Variants in C8orf34 observed in about 807,000 individuals in gnomAD.
The protein encoded by C8orf34 is uncharacterized protein C8orf34.
In C8orf34, 65 loss-of-function variants were observed where a neutral mutation model predicts 68.3. The observed-to-expected ratio is 0.95, with a 90% confidence interval of 0.78 to 1.17. The LOEUF (loss-of-function observed/expected upper bound fraction) is 1.17, where lower values mean the gene tolerates loss of function less well. Ranked by LOEUF, C8orf34 falls within the 50% of genes most tolerant of loss-of-function variation. The pLI is 0.00. For synonymous variants in C8orf34, 244 were observed against 241.2 expected (o/e 1.01, Z -0.11); for missense variants, 664 against 655.4 (o/e 1.01, Z -0.14).
chr8:68,432,728 G>C (rs1245111023), intron 1 of C8orf34, among the ~76,000 whole-genome samples: 8 of 152,182 alleles, frequency 5.3e-5, no homozygotes, highest in Admixed American at 5.2e-4. Context: ...GACAGTCTGA[G>C]ATCTCTGAAT....
chr8:68,419,277 G>C (rs1251006309), intron 1 of C8orf34, among the ~76,000 whole-genome samples: 1 of 148,078 alleles, frequency 6.8e-6, no homozygotes, highest in South Asian at 2.2e-4. Context: ...ACCACAATGA[G>C]ATACCATCTC....
At chr8:68,721,273 T>G (rs923936984) in intron 9 of C8orf34, 88 bp from the exon 10 acceptor site, 1 of 827,418 alleles carries the variant, frequency 1.2e-6, no homozygotes, top group African/African-American at 1.8e-5. Context: ...ATTCCATCAT[T>G]TTATTCTTCT....
At chr8:68,472,810 A>T (rs1812437883) in intron 4 of C8orf34, among the ~76,000 whole-genome samples, 1 of 152,090 alleles carries the variant, frequency 6.6e-6, no homozygotes, top group South Asian at 2.1e-4. Context: ...AATTTTCGAG[A>T]TATTTTATAT....
At chr8:68,475,651 T>C (rs1393764734) in intron 4 of C8orf34, among the ~76,000 whole-genome samples, 1 of 152,180 alleles carries the variant, frequency 6.6e-6, no homozygotes, top group Non-Finnish European at 1.5e-5. Flanking sequence ...AATAGATAGC[T>C]AAGTAAGCAC....
intron 8 of C8orf34, among the ~76,000 whole-genome samples, chr8:68,676,933 G>C (rs567643962): frequency 9.2e-5 from 14 of 152,134 alleles, no homozygotes; most frequent in Admixed American, 2.0e-4. Context: ...ACCATCAGCT[G>C]TCTTGAGACC....
intron 6 of C8orf34, among the ~76,000 whole-genome samples, chr8:68,529,589 G>A (rs140818951): frequency 6.6e-6 from 1 of 152,268 alleles, no homozygotes; most frequent in East Asian, 1.9e-4. Flanking sequence ...ATAACAGGGT[G>A]AGGCCACAGA....
chr8:68,446,313 T>C lies in C8orf34; in HGVS notation c.476-16T>C, dbSNP rs1811120621. On this transcript the variant is annotated splice_polypyrimidine_tract_variant and intron_variant, in intron 2 of 13. Coordinates refer to ENST00000518698, the MANE Select transcript of C8orf34 (RefSeq NM_052958.4). The stretch of plus-strand genomic sequence containing the variant: ...AATCACTTTGTTGCCATTTTATATA[T>C]ATTTTGTTTTAACAGAATCCAAAGG... The C allele has an allele frequency of 1.9e-6, 3 of 1,568,044 alleles. No individual in the cohort carries two copies. The highest frequency in any genetic ancestry group is 2.3e-5 in the East Asian group (1 of 44,174).
intron 7 of C8orf34, chr8:68,535,680 T>C (rs543421877): frequency 2.6e-6 from 2 of 760,312 alleles, no homozygotes; most frequent in African/African-American, 1.9e-5. Context: ...TTTAGGCATA[T>C]GAAAATATTA....
chr8:68,595,188 C>A (rs977895965), intron 7 of C8orf34, among the ~76,000 whole-genome samples: 3 of 151,032 alleles, frequency 2.0e-5, no homozygotes, highest in Admixed American at 6.6e-5. Context: ...TGACACTTAC[C>A]CCCCAAATAC....
chr8:68,332,957 G>T (rs934587822), intron 1 of C8orf34, among the ~76,000 whole-genome samples: 1 of 152,070 alleles, frequency 6.6e-6, no homozygotes, highest in Non-Finnish European at 1.5e-5. Flanking sequence ...AAAACCTTCT[G>T]CAACGCAGTG....
intron 5 of C8orf34, among the ~76,000 whole-genome samples, chr8:68,489,132 A>C (rs535884899): frequency 6.6e-6 from 1 of 152,206 alleles, no homozygotes; most frequent in Non-Finnish European, 1.5e-5. Context: ...GTATGGCTTA[A>C]TTGAAAACTG....
chr8:68,628,345 C>T (rs1429045955), intron 7 of C8orf34, among the ~76,000 whole-genome samples: 1 of 151,992 alleles, frequency 6.6e-6, no homozygotes, highest in African/African-American at 2.4e-5. Context: ...AATAGAGAAC[C>T]AACAGAAACA....
At chr8:68,818,111 T>C (rs1472240821) in intron 13 of C8orf34, 128 bp from the exon 14 acceptor site, 1 of 814,366 alleles carries the variant, frequency 1.2e-6, no homozygotes, top group East Asian at 2.6e-5. Flanking sequence ...AGTATTCTAA[T>C]GTCAATATCC....
chr8:68,610,604 C>T (rs951806637), intron 7 of C8orf34, among the ~76,000 whole-genome samples: 2 of 152,080 alleles, frequency 1.3e-5, no homozygotes, highest in African/African-American at 4.8e-5. Context: ...TAGGTATCTA[C>T]TAAGCTTTAG....
intron 9 of C8orf34, among the ~76,000 whole-genome samples, chr8:68,716,155 G>A (rs1011230262): frequency 2.0e-5 from 3 of 151,880 alleles, no homozygotes; most frequent in Non-Finnish European, 2.9e-5. Context: ...TGGACTTTGC[G>A]GACTTGGGGG....
At chr8:68,681,397 A>G (rs1820366545) in intron 8 of C8orf34, among the ~76,000 whole-genome samples, 1 of 152,190 alleles carries the variant, frequency 6.6e-6, no homozygotes, top group African/African-American at 2.4e-5. Context: ...CGGTCCCTCC[A>G]TTCAGGCTCC....
At chr8:68,775,130 T>C (rs1460992915) in intron 10 of C8orf34, among the ~76,000 whole-genome samples, 10 of 151,290 alleles carry the variant, frequency 6.6e-5, no homozygotes, top group Admixed American at 5.9e-4. Flanking sequence ...TGCTTCTCCT[T>C]GCTCCTTGAC....
intron 7 of C8orf34, among the ~76,000 whole-genome samples, chr8:68,578,642 CTATATATATA>C (rs545258846): frequency 6.7e-6 from 1 of 148,720 alleles, no homozygotes; most frequent in African/African-American, 2.5e-5. Flanking sequence ...AGATTAAATA[CTATATATATA>C]TATATTTCAA....
intron 8 of C8orf34, among the ~76,000 whole-genome samples, chr8:68,656,671 A>G (rs1585682460): frequency 6.6e-6 from 1 of 152,176 alleles, no homozygotes; most frequent in Non-Finnish European, 1.5e-5. Flanking sequence ...CTGAAGTTGC[A>G]GCCCCACAGC....
Sources: allele counts gnomAD v4.1 joint callset (sites outside exome capture counted in the v4.1 genomes callset), GRCh38; gene constraint gnomAD v4.1.1; transcripts MANE v1.5; gene names NCBI Gene and HGNC (gene_info 2026-07-23, HGNC 2026-07-21).